DOCK9: variants seen among roughly 807,000 people sequenced by gnomAD.
DOCK9 encodes dedicator of cytokinesis 9.
DOCK9 carries 89 observed loss-of-function variants against 263.3 expected under a neutral mutation model. The observed-to-expected ratio is 0.34, with a 90% CI of 0.28 to 0.40. The LOEUF (loss-of-function observed/expected upper bound fraction) is 0.40, where lower values mean the gene tolerates loss of function less well. Ranked by LOEUF, DOCK9 falls within the 10% of genes least tolerant of loss-of-function variation. The probability of loss-of-function intolerance (pLI) is 1.00; values close to 1 mark genes in which losing one functional copy is unlikely to be tolerated. For synonymous variants in DOCK9, 976 were observed against 973.1 expected (o/e 1.00, Z -0.06); for missense variants, 2,140 against 2,603.4 (o/e 0.82, Z 3.87).
chr13:98,929,597 A>G (rs1196142455), intron 3 of DOCK9, among the ~76,000 whole-genome samples: 1 of 151,956 alleles, frequency 6.6e-6, no homozygotes, highest in African/African-American at 2.4e-5. Context: ...CTTCCATAAG[A>G]TAATTTTATT....
intron 1 of DOCK9, among the ~76,000 whole-genome samples, chr13:98,985,088 G>T (rs1878139560): frequency 1.3e-5 from 2 of 150,470 alleles, no homozygotes; most frequent in Non-Finnish European, 1.5e-5. Flanking sequence ...GTGGGCAGTT[G>T]GGGGGGTGGG....
chr13:98,890,727 C>T (rs185782005), intron 15 of DOCK9, among the ~76,000 whole-genome samples: 5,249 of 152,270 alleles, frequency 0.034, 142 homozygotes, highest in Middle Eastern at 0.086. Flanking sequence ...ACGTGTCACT[C>T]CTCAGTACAT....
chr13:98,876,875 G>A (rs1209852190), intron 27 of DOCK9, among the ~76,000 whole-genome samples: 10 of 152,198 alleles, frequency 6.6e-5, no homozygotes, highest in Admixed American at 5.9e-4. Context: ...GCAGGTGTTT[G>A]TGAATCTCTT....
rs2089969224 is a variant in DOCK9 at position 98,800,351 on chromosome 13, G to A, written c.5853C>T (p.Cys1951=). The A allele has an allele frequency of 1.2e-6, 2 of 1,613,256 alleles. No individual in the cohort carries two copies. Among genetic ancestry groups the A allele is most frequent in the Admixed American group, 1.7e-5 (1 of 59,942 alleles). ...TGATCATGTCCACCTCGGCCGAGGA[G>A]CACAGCTGCCGGAGCTCCGCCACCT... The part of the protein sequence containing the change: ...SKKVAELRQL[C]SSAEVDMIKL... The change falls in exon 50 of 53, where the codon TGC becomes TGT. Residue 1951 remains cysteine, a synonymous_variant. Coordinates refer to ENST00000682017, the MANE Select transcript of DOCK9 (RefSeq NM_001366683.2).
intron 1 of DOCK9, among the ~76,000 whole-genome samples, chr13:98,962,637 T>TTTA (rs1443000114): frequency 2.4e-5 from 3 of 127,270 alleles, no homozygotes; most frequent in African/African-American, 8.6e-5. Flanking sequence ...TGATAGGTTT[T>TTTA]AAAAAAAAAA....
chr13:98,933,507 G>T (rs945275312), intron 2 of DOCK9, among the ~76,000 whole-genome samples: 5 of 152,056 alleles, frequency 3.3e-5, no homozygotes, highest in East Asian at 3.9e-4. Context: ...TTTAAAAGAG[G>T]TTTACACATT....
At chr13:98,888,047 G>T in intron 18 of DOCK9, 111 bp downstream of exon 18, 1 of 687,302 alleles carries the variant, frequency 1.5e-6, no homozygotes, top group Non-Finnish European at 2.4e-6. Context: ...TTTTTGATTT[G>T]TGTCAATTAA....
chr13:98,958,907 C>G (rs1413565121), intron 1 of DOCK9, among the ~76,000 whole-genome samples: 5 of 152,152 alleles, frequency 3.3e-5, no homozygotes, highest in Non-Finnish European at 7.3e-5. Flanking sequence ...GTATTTAGGG[C>G]ACCAAATAAT....
chr13:98,990,788 T>C (rs2141703353), intron 1 of DOCK9, among the ~76,000 whole-genome samples: 1 of 152,314 alleles, frequency 6.6e-6, no homozygotes, highest in African/African-American at 2.4e-5. Flanking sequence ...ACTATACTAA[T>C]TTTGTCATAC....
rs536831501 is a variant in DOCK9 at position 99,040,489 on chromosome 13, A to C, written c.129+45734T>G. Among the ~76,000 whole-genome samples the C allele has an allele frequency of 2.2e-4, 34 of 152,376 alleles. No individual in the cohort carries two copies. In the South Asian group the frequency reaches 5.2e-3, roughly 23 times the overall value. On this transcript the variant is annotated intron_variant, in intron 1 of 32. Transcript: ENST00000427887. ...AGAAACCAACAATATCATAGTCAGA[A>C]ATATATAAATTTTAAAAAAAATTGT...
At chr13:99,087,127 C>T (rs538493815), upstream of DOCK9, among the ~76,000 whole-genome samples, 4 of 152,256 alleles carry the variant, frequency 2.6e-5, no homozygotes, top group South Asian at 6.2e-4. Flanking sequence ...CGATCGGAAC[C>T]CGCGGCCGGC....
At chr13:99,027,885 C>T (rs948773352) in intron 1 of DOCK9, among the ~76,000 whole-genome samples, 3 of 152,212 alleles carry the variant, frequency 2.0e-5, no homozygotes, top group Non-Finnish European at 4.4e-5. Context: ...ATCCCATCAT[C>T]TATAAGCAGG....
chr13:99,070,557 A>G (rs534989793), intron 1 of DOCK9, among the ~76,000 whole-genome samples: 1 of 152,234 alleles, frequency 6.6e-6, no homozygotes, highest in Non-Finnish European at 1.5e-5. Context: ...ATAAATAACC[A>G]CAGCTTGCAC....
At chr13:98,883,988 G>A (rs2045279458) in intron 21 of DOCK9, 89 bp from the exon 22 acceptor site, 2 of 895,824 alleles carry the variant, frequency 2.2e-6, no homozygotes, top group Admixed American at 2.6e-5. Flanking sequence ...ATGAGGGACT[G>A]AAAGAGGGCC....
intron 33 of DOCK9, chr13:98,859,795 A>G (rs574678055): frequency 6.8e-6 from 1 of 148,016 alleles, no homozygotes; most frequent in East Asian, 2.0e-4. Context: ...CTCTGAGGAA[A>G]AGCTAGCACA....
chr13:99,027,251 C>A (rs1226333559), intron 1 of DOCK9, among the ~76,000 whole-genome samples: 1 of 152,120 alleles, frequency 6.6e-6, no homozygotes, highest in Non-Finnish European at 1.5e-5. Context: ...AACTCCTAAC[C>A]TCGTGATCCA....
At chr13:98,945,588 C>G (rs1002344586) in intron 2 of DOCK9, among the ~76,000 whole-genome samples, 3 of 152,222 alleles carry the variant, frequency 2.0e-5, no homozygotes, top group Non-Finnish European at 4.4e-5. Flanking sequence ...CACTCACTCT[C>G]ACCTACATCC....
At chr13:99,015,501 A>ATG in intron 1 of DOCK9, 1 of 1,598,198 alleles carries the variant, frequency 6.3e-7, no homozygotes, top group Non-Finnish European at 8.5e-7. Flanking sequence ...TGTATGCTGT[A>ATG]TATTCAAGGG....
chr13:98,918,978 C>T (rs757680873), intron 7 of DOCK9, among the ~76,000 whole-genome samples: 5 of 152,146 alleles, frequency 3.3e-5, no homozygotes, highest in African/African-American at 4.8e-5. Flanking sequence ...CATGCAATGA[C>T]GTCCAAAACT....
Sources: allele counts gnomAD v4.1 joint callset (sites outside exome capture counted in the v4.1 genomes callset), GRCh38; gene constraint gnomAD v4.1.1; transcripts MANE v1.5; gene names NCBI Gene and HGNC (gene_info 2026-07-23, HGNC 2026-07-21).